The following CACNA1D variants were observed in gnomAD, a reference collection of about 807,000 sequenced individuals.
CACNA1D encodes calcium voltage-gated channel subunit alpha1 D.
A neutral mutation model predicts 257.1 loss-of-function variants in CACNA1D; 55 were observed. That is an observed-to-expected ratio of 0.21 (90% CI 0.17 to 0.27). CACNA1D has a LOEUF of 0.27. Ranked by LOEUF, CACNA1D falls within the 10% of genes least tolerant of loss-of-function variation. The probability of loss-of-function intolerance (pLI) is 1.00; values close to 1 mark genes in which losing one functional copy is unlikely to be tolerated. For synonymous variants in CACNA1D, 980 were observed against 1,014.9 expected, an observed-to-expected ratio of 0.97 and a Z score of 0.65; for missense variants, 1,876 against 2,784.0, an observed-to-expected ratio of 0.67 and a Z score of 7.34.
At chr3:53,707,444 A>G (rs2094702550) in intron 9 of CACNA1D, among the ~76,000 whole-genome samples, 1 of 152,216 alleles carries the variant, frequency 6.6e-6, no homozygotes, top group Non-Finnish European at 1.5e-5. Context: ...CAGGCCTCTA[A>G]CTGAGCTGTC....
chr3:53,570,428 A>G (rs1490967365), intron 3 of CACNA1D, among the ~76,000 whole-genome samples: 3 of 152,230 alleles, frequency 2.0e-5, no homozygotes, highest in African/African-American at 4.8e-5. Flanking sequence ...GAACTCCTCT[A>G]TTGATTGCCC....
intron 3 of CACNA1D, among the ~76,000 whole-genome samples, chr3:53,508,796 GGACACGCCCCAACA>G (rs2090976100): frequency 6.6e-6 from 1 of 152,090 alleles, no homozygotes; most frequent in Non-Finnish European, 1.5e-5. Flanking sequence ...GTGGCGGTGG[GGACACGCCCCAACA>G]GACCCCAACA....
chr3:53,809,669 C>T, intron 46 of CACNA1D: 1 of 450,158 alleles, frequency 2.2e-6, no homozygotes, highest in East Asian at 4.5e-5. Context: ...TGTGTTCACA[C>T]CCACAGCTTG....
chr3:53,705,490 G>C (rs2094677950), intron 9 of CACNA1D, among the ~76,000 whole-genome samples: 1 of 152,202 alleles, frequency 6.6e-6, no homozygotes, highest in South Asian at 2.1e-4. Flanking sequence ...TTTCTGCTAT[G>C]CACCGTGATG....
chr3:53,686,749 A>G (rs1253887801), intron 8 of CACNA1D, among the ~76,000 whole-genome samples: 1 of 152,096 alleles, frequency 6.6e-6, no homozygotes, highest in African/African-American at 2.4e-5. Context: ...GATTAGGAAC[A>G]AAGTAACCAT....
At chr3:53,645,017 A>G (rs375239806) in intron 3 of CACNA1D, among the ~76,000 whole-genome samples, 1 of 152,132 alleles carries the variant, frequency 6.6e-6, no homozygotes, top group African/African-American at 2.4e-5. Context: ...AGCCATTCCA[A>G]TGAATGTGAG....
At chr3:53,612,967 G>A (rs79020595) in intron 3 of CACNA1D, among the ~76,000 whole-genome samples, 1,640 of 152,188 alleles carry the variant, frequency 0.011, 12 homozygotes, top group Non-Finnish European at 0.016. Flanking sequence ...GAAGGCAGTC[G>A]TCACCTTTTT....
At chr3:53,759,353 G>T (rs2095286375) in intron 29 of CACNA1D, among the ~76,000 whole-genome samples, 2 of 152,228 alleles carry the variant, frequency 1.3e-5, no homozygotes, top group Admixed American at 6.5e-5. Context: ...AGCTGTTCAG[G>T]AATAAAATCT....
chr3:53,626,792 C>CT lies in CACNA1D; in HGVS notation c.484-23986dup. On this transcript the variant is annotated intron_variant, in intron 3 of 47. Transcript: ENST00000350061. ...TGAAATGGTTGTATGTTTCCAATCT[C>CT]TGCTTTTACCTGTGCCTTGTTGGAT... Among the ~76,000 whole-genome samples, 4 of 152,296 alleles carry CT rather than the reference C, an allele frequency of 2.6e-5. 1 individual carries two copies. The Middle Eastern group carries it at 0.014, about 518-fold the overall frequency.
At chr3:53,782,029 T>G (rs540305022) in intron 39 of CACNA1D, 1 of 207,802 alleles carries the variant, frequency 4.8e-6, no homozygotes, top group East Asian at 1.2e-4. Flanking sequence ...CTTCAGTATA[T>G]TGTTGAAAAT....
In CACNA1D at chr3:53,808,783, C is replaced by T. The variant is rs1349808784; in HGVS notation, c.5871+13C>T. 1.2e-6 allele frequency: 2 copies of T among 1,604,258 alleles called. No homozygotes were observed. ...AATGCAGCAACAGGTGAGCGGCCCA[C>T]CTGGCCTTGCCCCCACACCTAGGGG... On this transcript the variant is annotated intron_variant, in intron 46 of 47. Coordinates refer to ENST00000350061, the MANE Select transcript of CACNA1D (RefSeq NM_001128840.3).
intron 3 of CACNA1D, among the ~76,000 whole-genome samples, chr3:53,523,840 A>G (rs1020650886): frequency 2.0e-5 from 3 of 152,348 alleles, no homozygotes; most frequent in Admixed American, 2.0e-4. Context: ...CTTGACTTTA[A>G]AGAAAGCATT....
chr3:53,646,059 G>A (rs1316421659), intron 3 of CACNA1D, among the ~76,000 whole-genome samples: 1 of 152,228 alleles, frequency 6.6e-6, no homozygotes, highest in African/African-American at 2.4e-5. Context: ...GGAAGTTCAT[G>A]TCCATGGGGC....
At chr3:53,670,689 A>G (rs1386686681) in intron 7 of CACNA1D, among the ~76,000 whole-genome samples, 1 of 152,192 alleles carries the variant, frequency 6.6e-6, no homozygotes, top group Non-Finnish European at 1.5e-5. Context: ...TAAAAAGAAA[A>G]TTATTTCCTG....
rs11399999 is a variant in CACNA1D at position 53,657,326 on chromosome 3, GA to G, written c.624-2796del. 6.7e-3 allele frequency among the ~76,000 whole-genome samples: 961 copies of G among 142,450 alleles called. 6 individuals are homozygous for G. Among genetic ancestry groups the G allele is most frequent in the East Asian group, 0.028 (137 of 4,888 alleles). The allele number at this position is 142,450 out of a possible 152,430, so 93.5% of individuals were successfully genotyped here. On this transcript the variant is annotated intron_variant, in intron 4 of 47. Coordinates refer to ENST00000350061, the MANE Select transcript of CACNA1D (RefSeq NM_001128840.3). ...TCCATTTATATGAGTTCTAGAAAAA[GA>G]AAAAAAAAAACTCTACCGATAAACA...
rs769312270 is a variant in CACNA1D, at chr3:53,786,856, T to C, written c.4827T>C (p.Thr1609=). The change falls in exon 40 of 48, where the codon ACT becomes ACC. Residue 1609 remains threonine (T), a synonymous_variant. Transcript: ENST00000350061. ...TAACCGTGGGGAAGTTCTATGCCAC[T>C]TTCCTGATACAGGACTACTTTAGGA... ...DEVTVGKFYA[T]FLIQDYFRKF... 1 of 1,613,582 alleles carries C rather than the reference T, an allele frequency of 6.2e-7. No individual in the cohort carries two copies. Among genetic ancestry groups the C allele is most frequent in the South Asian group, 1.1e-5 (1 of 91,052 alleles).
At chr3:53,512,388 C>G (rs1303798664) in intron 3 of CACNA1D, among the ~76,000 whole-genome samples, 1 of 152,070 alleles carries the variant, frequency 6.6e-6, no homozygotes, top group Admixed American at 6.5e-5. Context: ...TTTAGGTTGG[C>G]CAAATGAATC....
rs947609404 is a variant in CACNA1D at position 53,774,402 on chromosome 3, G to T, written c.4111-185G>T. Reference sequence around the variant, plus strand: ...GCCCCTCTGGAGCACCACGTTCCCAGTGTGTAACCTGCTGCCTGGCACATG... The same window carrying T: ...GCCCCTCTGGAGCACCACGTTCCCATTGTGTAACCTGCTGCCTGGCACATG... On this transcript the variant is annotated intron_variant, in intron 33 of 47. Coordinates refer to ENST00000350061, the MANE Select transcript of CACNA1D (RefSeq NM_001128840.3). This position sits in a 1 kb window ranked among gnomAD's most constrained non-coding sequence, Gnocchi z 4.3. 3.3e-6 allele frequency: 2 copies of T among 606,612 alleles called. No homozygotes were observed. Among genetic ancestry groups the T allele is most frequent in the Non-Finnish European group, 5.9e-6 (2 of 337,692 alleles). The allele number at this position is 606,612 out of a possible 1,614,324, so 37.6% of individuals were successfully genotyped here.
intron 3 of CACNA1D, among the ~76,000 whole-genome samples, chr3:53,508,582 C>T (rs1445253206): frequency 1.3e-5 from 2 of 152,210 alleles, no homozygotes; most frequent in Non-Finnish European, 2.9e-5. Flanking sequence ...GCATTTCTTT[C>T]TTAATCTCAG....
Sources: allele counts gnomAD v4.1 joint callset (sites outside exome capture counted in the v4.1 genomes callset), GRCh38; gene constraint gnomAD v4.1.1; non-coding constraint Gnocchi (gnomAD v3.1); transcripts MANE v1.5; gene names NCBI Gene and HGNC (gene_info 2026-07-23, HGNC 2026-07-21).